The following EMCN variants were observed in gnomAD, a reference collection of about 807,000 sequenced individuals.
EMCN encodes MUC-14.
Under a neutral mutation model 38.4 loss-of-function variants are expected in EMCN, and 37 were observed. That is an observed-to-expected ratio of 0.96 (90% CI 0.74 to 1.27). EMCN has a LOEUF of 1.27. EMCN is among the 50% of genes most tolerant of loss of function. EMCN has a pLI of 0.00. For missense variants in EMCN, 318 were observed against 302.8 expected, an observed-to-expected ratio of 1.05 and a Z score of -0.37; for synonymous variants, 95 against 100.8, an observed-to-expected ratio of 0.94 and a Z score of 0.35.
At chr4:100,432,471 T>A (rs1274852161) in intron 5 of EMCN, among the ~76,000 whole-genome samples, 1 of 152,168 alleles carries the variant, frequency 6.6e-6, no homozygotes, top group Non-Finnish European at 1.5e-5. Context: ...GCAGGTTCCA[T>A]GTATCATTCC....
At chr4:100,472,929 T>C (rs1368936219) in intron 3 of EMCN, among the ~76,000 whole-genome samples, 9 of 149,958 alleles carry the variant, frequency 6.0e-5, no homozygotes, top group Admixed American at 6.0e-4. Context: ...TATAGATAGA[T>C]AGATAGATAT....
chr4:100,465,493 A>C lies in EMCN; in HGVS notation c.306T>G (p.Ile102Met). ...TAACACTTGTTACTGTTACGTTTGAAATGATGGAGTCATTCTTCCTGACAT... is the reference window on the plus strand; with the variant it reads ...TAACACTTGTTACTGTTACGTTTGACATGATGGAGTCATTCTTCCTGACAT... ...TTDVRKNDSIISNVTVTSVTL... is the reference protein window; with the variant it reads ...TTDVRKNDSIMSNVTVTSVTL... Residue 102 changes from isoleucine (I) to methionine (M), a missense_variant, in exon 4 of 12, where the codon ATT becomes ATG. By Grantham distance (10) the Ile-to-Met change is conservative (BLOSUM62 1). Transcript: ENST00000296420. 6 of 1,608,878 alleles carry C rather than the reference A, an allele frequency of 3.7e-6. No homozygotes were observed. The highest frequency in any genetic ancestry group is 5.1e-6 in the Non-Finnish European group (6 of 1,176,622).
chr4:100,465,644 G>C (rs1310520241), intron 3 of EMCN, 105 bp from the exon 4 acceptor site: 1 of 568,646 alleles, frequency 1.8e-6, no homozygotes, highest in Non-Finnish European at 3.0e-6. Context: ...ATTTCTAGAA[G>C]TCTTCTGACT....
chr4:100,455,524 T>C (rs1160259821), intron 4 of EMCN, among the ~76,000 whole-genome samples: 2 of 59,146 alleles, frequency 3.4e-5, no homozygotes, highest in Non-Finnish European at 6.2e-5. Flanking sequence ...TTTTTTTTTT[T>C]CTTCCAGTAC....
At chr4:100,410,253 G>A in intron 11 of EMCN, 29 bp downstream of exon 11, 1 of 1,395,634 alleles carries the variant, frequency 7.2e-7, no homozygotes, top group Non-Finnish European at 1.0e-6. Flanking sequence ...ATTAATGATT[G>A]TCTCCGTGAA....
At chr4:100,415,161 T>G (rs1370664446) in intron 10 of EMCN, among the ~76,000 whole-genome samples, 1 of 152,202 alleles carries the variant, frequency 6.6e-6, no homozygotes, top group Non-Finnish European at 1.5e-5. Flanking sequence ...CCTCCCAAAG[T>G]GCTGGGATTA....
chr4:100,448,826 C>CCTTCCTT (rs1179151604), intron 4 of EMCN, among the ~76,000 whole-genome samples: 2 of 139,236 alleles, frequency 1.4e-5, no homozygotes, highest in African/African-American at 2.8e-5. Flanking sequence ...CTTCCTTCCT[C>CCTTCCTT]CCTCCCTCCC....
intron 6 of EMCN, 49 bp from the exon 7 acceptor site, chr4:100,423,129 C>G (rs375298461): frequency 6.4e-7 from 1 of 1,556,288 alleles, no homozygotes; most frequent in Middle Eastern, 1.7e-4. Flanking sequence ...TGTGCCAATT[C>G]TTGCAGTCCT....
chr4:100,462,948 T>C (rs1005882100), intron 4 of EMCN, among the ~76,000 whole-genome samples: 1 of 152,184 alleles, frequency 6.6e-6, no homozygotes, highest in Non-Finnish European at 1.5e-5. Flanking sequence ...TTGTCATCTC[T>C]TTCTACCTTA....
Position 100,410,320 on chromosome 4 carries a change from G to A in EMCN, c.*1C>T, listed in dbSNP as rs1726516197. ...AGGTGTGGAGAGAATTCCTCAAGCT[G>A]TCAGTTCTTGGTTTTTCCTTGTGCA... On this transcript the variant is annotated 3_prime_UTR_variant, in exon 11 of 12. Transcript: ENST00000296420. The A allele has an allele frequency of 1.2e-6, 2 of 1,613,476 alleles. No homozygotes were observed. The highest frequency in any genetic ancestry group is 2.2e-5 in the East Asian group (1 of 44,844).
intron 4 of EMCN, among the ~76,000 whole-genome samples, chr4:100,463,719 C>T (rs1007242546): frequency 6.6e-6 from 1 of 152,052 alleles, no homozygotes; most frequent in African/African-American, 2.4e-5. Context: ...ACTGTCTTTT[C>T]TGCATATTTA....
At chr4:100,482,231 A>G (rs1421192024) in intron 1 of EMCN, among the ~76,000 whole-genome samples, 2 of 152,120 alleles carry the variant, frequency 1.3e-5, no homozygotes, top group African/African-American at 4.8e-5. Flanking sequence ...GGTAAAGAAA[A>G]GAAACAATAT....
Position 100,414,348 on chromosome 4 carries a change from C to CTTT in EMCN, c.751+1547_751+1549dup, listed in dbSNP as rs5860622. Among the ~76,000 whole-genome samples, 183 of 59,790 alleles carry CTTT rather than the reference C, an allele frequency of 3.1e-3. 31 individuals carry two copies. Among genetic ancestry groups the CTTT allele is most frequent in the African/African-American group, 0.011 (165 of 14,756 alleles). The allele number at this position is 59,790 out of a possible 152,430, so 39.2% of individuals were successfully genotyped here. On this transcript the variant is annotated intron_variant, in intron 10 of 11. Transcript: ENST00000296420. Reference sequence around the variant, plus strand: ...TGGTTCACATTAGGCTGCTTGAGCACTTTTTTTTTTTTTTTTTTTTTTTTT... The same window carrying CTTT: ...TGGTTCACATTAGGCTGCTTGAGCACTTTTTTTTTTTTTTTTTTTTTTTTTTTT...
chr4:100,413,366 A>C (rs1024235505), intron 10 of EMCN, among the ~76,000 whole-genome samples: 2 of 152,072 alleles, frequency 1.3e-5, no homozygotes, highest in Non-Finnish European at 2.9e-5. Flanking sequence ...TAACCATTTA[A>C]GTTTTTTTTT....
intron 8 of EMCN, among the ~76,000 whole-genome samples, chr4:100,417,566 C>T (rs1726769920): frequency 6.6e-6 from 1 of 152,078 alleles, no homozygotes; most frequent in African/African-American, 2.4e-5. Flanking sequence ...TTTTTTGGGA[C>T]AGAAATCACT....
chr4:100,459,119 G>A (rs1346708683), intron 4 of EMCN, among the ~76,000 whole-genome samples: 1 of 148,456 alleles, frequency 6.7e-6, no homozygotes, highest in Non-Finnish European at 1.5e-5. Context: ...CTTTTATTTA[G>A]TTTATTAAGT....
intron 1 of EMCN, among the ~76,000 whole-genome samples, chr4:100,505,788 G>T (rs996976568): frequency 3.9e-5 from 6 of 151,952 alleles, no homozygotes; most frequent in African/African-American, 1.5e-4. Flanking sequence ...AGAGGAAGCA[G>T]AAAAATAGAG....
At chr4:100,492,303 G>T (rs1373442793) in intron 1 of EMCN, among the ~76,000 whole-genome samples, 2 of 152,042 alleles carry the variant, frequency 1.3e-5, no homozygotes, top group African/African-American at 4.8e-5. Flanking sequence ...TCCAGCATCA[G>T]ACTCAAAGAA....
chr4:100,493,489 G>T (rs1235486278), intron 1 of EMCN, among the ~76,000 whole-genome samples: 3 of 152,102 alleles, frequency 2.0e-5, no homozygotes, highest in African/African-American at 7.2e-5. Flanking sequence ...GGGCTACTGG[G>T]AACTGCAGAG....
Sources: gnomAD v4.1 joint callset for allele counts (sites outside exome capture counted in the v4.1 genomes callset) on GRCh38, gnomAD v4.1.1 for gene constraint, MANE v1.5 for transcripts, NCBI Gene and HGNC (gene_info 2026-07-23, HGNC 2026-07-21) for gene names.